The following SUGCT variants were observed in gnomAD, a reference collection of about 807,000 sequenced individuals.
SUGCT encodes succinyl-CoA:glutarate CoA-transferase.
In SUGCT, 41 loss-of-function variants were observed where a neutral mutation model predicts 55.0. The observed-to-expected ratio is 0.74, with a 90% confidence interval of 0.58 to 0.97. The LOEUF (loss-of-function observed/expected upper bound fraction) is 0.97, where lower values mean the gene tolerates loss of function less well. SUGCT is among the 50% of genes least tolerant of loss of function. The pLI is 0.00. For synonymous variants in SUGCT, 187 were observed against 200.4 expected (o/e 0.93, Z 0.56); for missense variants, 568 against 547.8 (o/e 1.04, Z -0.37).
chr7:40,690,649 C>T (rs1489640003), intron 12 of SUGCT, among the ~76,000 whole-genome samples: 4 of 151,940 alleles, frequency 2.6e-5, no homozygotes, highest in African/African-American at 9.7e-5. Context: ...CTTACTGCAA[C>T]CTCTGACCTC....
At chr7:40,513,240 C>G (rs1400890566) in intron 12 of SUGCT, among the ~76,000 whole-genome samples, 1 of 152,138 alleles carries the variant, frequency 6.6e-6, no homozygotes, top group African/African-American at 2.4e-5. Context: ...AGTCAGAACT[C>G]TGGGCCTCAG....
chr7:40,500,589 A>G (rs1280929285), intron 12 of SUGCT, among the ~76,000 whole-genome samples: 1 of 152,166 alleles, frequency 6.6e-6, no homozygotes, highest in Non-Finnish European at 1.5e-5. Context: ...AATCTTTTGT[A>G]TGGGATGAAT....
intron 9 of SUGCT, among the ~76,000 whole-genome samples, chr7:40,373,508 C>T (rs1002078585): frequency 6.6e-6 from 1 of 151,782 alleles, no homozygotes; most frequent in Non-Finnish European, 1.5e-5. Flanking sequence ...ACTCATTTGA[C>T]ATGTGAGTAT....
chr7:40,361,529 G>A (rs113051485), intron 9 of SUGCT, among the ~76,000 whole-genome samples: 5,638 of 151,524 alleles, frequency 0.037, 157 homozygotes, highest in South Asian at 0.052. Flanking sequence ...AACTGAGATT[G>A]TGCCACTGCA....
At chr7:40,976,423 A>C in the SUGCT span, among the ~76,000 whole-genome samples, 1 of 152,192 alleles carries the variant, frequency 6.6e-6, no homozygotes, top group African/African-American at 2.4e-5. Context: ...AAATTGAAAT[A>C]AGTATATTCT....
intron 12 of SUGCT, among the ~76,000 whole-genome samples, chr7:40,584,314 G>A (rs1336728896): frequency 6.6e-6 from 1 of 152,104 alleles, no homozygotes; most frequent in Non-Finnish European, 1.5e-5. Flanking sequence ...TAAGTCTTTA[G>A]GCATGATTTA....
chr7:40,707,474 A>C (rs561451855), intron 12 of SUGCT, among the ~76,000 whole-genome samples: 1 of 152,314 alleles, frequency 6.6e-6, no homozygotes, highest in African/African-American at 2.4e-5. Flanking sequence ...TCCCTGAAGG[A>C]AGTGCTTGTA....
At chr7:40,181,863 GA>G in intron 2 of SUGCT, 91 bp from the exon 3 acceptor site, 1 of 764,414 alleles carries the variant, frequency 1.3e-6, no homozygotes. Flanking sequence ...AGGATTATAT[GA>G]GCGTGTCTGT....
At chr7:40,599,535 A>G (rs1286623400) in intron 12 of SUGCT, among the ~76,000 whole-genome samples, 1 of 152,084 alleles carries the variant, frequency 6.6e-6, no homozygotes, top group Non-Finnish European at 1.5e-5. Flanking sequence ...TGGGTAATAT[A>G]AGTCACCTTA....
In SUGCT at chr7:40,188,434, CAAAAAAAAAA is replaced by C. The variant is rs35948652; in HGVS notation, c.227-49_227-40del. ...GGGCAACAGAGCAAGACTCCATCTC[CAAAAAAAAAA>C]AAAAAAAAAAACAAACCCCAAAGAT... On this transcript the variant is annotated intron_variant, in intron 3 of 13. Coordinates refer to ENST00000335693, the MANE Select transcript of SUGCT (RefSeq NM_001193313.2). 1.2e-4 allele frequency: 71 copies of C among 602,040 alleles called. 1 individual carries two copies. The highest frequency in any genetic ancestry group is 3.3e-4 in the Admixed American group (6 of 18,290). The allele number at this position is 602,040 out of a possible 1,614,324, so 37.3% of individuals were successfully genotyped here.
chr7:40,834,328 T>C (rs1240721982), intron 13 of SUGCT, among the ~76,000 whole-genome samples: 2 of 152,176 alleles, frequency 1.3e-5, no homozygotes, highest in African/African-American at 4.8e-5. Context: ...TTTTAATAGT[T>C]ACATGGAGAA....
chr7:40,968,789 G>C, the SUGCT span, among the ~76,000 whole-genome samples: 1 of 152,260 alleles, frequency 6.6e-6, no homozygotes, highest in African/African-American at 2.4e-5. Context: ...AAGTAACAAG[G>C]CCCATCTGTG....
chr7:40,824,382 AGAACAG>A (rs1792202033), intron 13 of SUGCT, among the ~76,000 whole-genome samples: 1 of 151,990 alleles, frequency 6.6e-6, no homozygotes, highest in Non-Finnish European at 1.5e-5. Context: ...TGGGGAGGCA[AGAACAG>A]AGGGAGGAGG....
intron 6 of SUGCT, among the ~76,000 whole-genome samples, chr7:40,233,272 T>C (rs911839566): frequency 6.6e-6 from 1 of 151,980 alleles, no homozygotes; most frequent in Non-Finnish European, 1.5e-5. Context: ...CAGGCTGGAG[T>C]GCAATGGCAC....
At chr7:40,499,220 G>A (rs750051325) in intron 12 of SUGCT, 46 of 416,748 alleles carry the variant, frequency 1.1e-4, no homozygotes, top group Non-Finnish European at 1.6e-4. Flanking sequence ...TAGGAATGGA[G>A]ACTTTGATAA....
intron 11 of SUGCT, among the ~76,000 whole-genome samples, chr7:40,494,613 A>G (rs1791873201): frequency 6.6e-6 from 1 of 152,220 alleles, no homozygotes. Flanking sequence ...TGGAGAGAAA[A>G]TGGAAGGCAT....
chr7:40,629,697 G>A (rs1799696642), intron 12 of SUGCT, among the ~76,000 whole-genome samples: 1 of 152,156 alleles, frequency 6.6e-6, no homozygotes, highest in Admixed American at 6.5e-5. Context: ...GAGAGTTAAT[G>A]ACTGCCTCCT....
chr7:40,211,567 C>A lies in SUGCT; in HGVS notation c.484+16507C>A, dbSNP rs185624948. Among the ~76,000 whole-genome samples, 5 of 152,234 alleles carry A rather than the reference C, an allele frequency of 3.3e-5. No homozygotes were observed. The East Asian group carries it at 9.7e-4, about 29-fold the overall frequency. On this transcript the variant is annotated intron_variant, in intron 6 of 13. Coordinates refer to ENST00000335693, the MANE Select transcript of SUGCT (RefSeq NM_001193313.2). ...AGGCATGGAGATTATTGAATATAAG[C>A]TTTTTGATCCATCATTATTACCACC...
the SUGCT span, among the ~76,000 whole-genome samples, chr7:40,989,389 T>C: frequency 6.6e-6 from 1 of 152,224 alleles, no homozygotes; most frequent in African/African-American, 2.4e-5. Flanking sequence ...TCTAAATTTG[T>C]CTTTGTCATT....
Sources: gnomAD v4.1 joint callset for allele counts (sites outside exome capture counted in the v4.1 genomes callset) on GRCh38, gnomAD v4.1.1 for gene constraint, MANE v1.5 for transcripts, NCBI Gene and HGNC (gene_info 2026-07-23, HGNC 2026-07-21) for gene names.